The following SYT2 variants were observed in gnomAD, a reference collection of about 807,000 sequenced individuals.
The protein encoded by SYT2 is synaptotagmin-2.
In SYT2, 15 loss-of-function variants were observed where a neutral mutation model predicts 39.9. The ratio of observed to expected loss-of-function variants is 0.38; its 90% confidence interval spans 0.25 to 0.58. SYT2 has a LOEUF of 0.58. Among genes scored for constraint, SYT2 ranks in the 20% least tolerant of loss-of-function variants. The pLI, the probability that SYT2 is intolerant of heterozygous loss-of-function variation, is 0.70. For synonymous variants in SYT2, 181 were observed against 204.5 expected, an observed-to-expected ratio of 0.89 and a Z score of 0.98; for missense variants, 389 against 530.3, an observed-to-expected ratio of 0.73 and a Z score of 2.62.
At chr1:202,665,239 G>A (rs746179476) in intron 1 of SYT2, among the ~76,000 whole-genome samples, 2 of 152,224 alleles carry the variant, frequency 1.3e-5, no homozygotes, top group Admixed American at 1.3e-4. Flanking sequence ...AGTTTTTGCT[G>A]TCACCTCTTG....
chr1:202,708,645 C>A lies in SYT2; in HGVS notation c.-18+1613G>T, dbSNP rs571518078. Among the ~76,000 whole-genome samples, 251 of 152,166 alleles carry A rather than the reference C, an allele frequency of 1.6e-3. 1 individual carries two copies. Among genetic ancestry groups the A allele is most frequent in the Middle Eastern group, 3.4e-3 (1 of 294 alleles). ...AGGCTGCAGTGTGCCTGGCGTGGAC[C>A]CCTGACGCTGACTCACCCCCAGGGC... On this transcript the variant is annotated intron_variant, in intron 1 of 8. Transcript: ENST00000367268.
In SYT2 at chr1:202,644,729, T is replaced by TGG. The variant is rs369469224; in HGVS notation, c.-17-38942_-17-38941dup. ...ACAAAAATCCAGTGTGCATGTGTGT[T>TGG]GGGGGGGGCAGTCACTCAGGGCTTT... On this transcript the variant is annotated intron_variant, in intron 1 of 8. Coordinates refer to ENST00000367268, the MANE Select transcript of SYT2 (RefSeq NM_177402.5). Among the ~76,000 whole-genome samples, 268 of 150,760 alleles carry TGG rather than the reference T, an allele frequency of 1.8e-3. 3 individuals are homozygous for TGG. In the East Asian group the frequency reaches 0.035, roughly 20 times the overall value.
At chr1:202,685,839 C>T (rs990504782) in intron 1 of SYT2, among the ~76,000 whole-genome samples, 10 of 152,102 alleles carry the variant, frequency 6.6e-5, no homozygotes, top group Non-Finnish European at 1.3e-4. Context: ...GCTCACATTG[C>T]TAGAAGGCAT....
intron 1 of SYT2, among the ~76,000 whole-genome samples, chr1:202,659,826 G>A (rs564828279): frequency 1.3e-5 from 2 of 152,274 alleles, no homozygotes; most frequent in African/African-American, 4.8e-5. Flanking sequence ...CAGCCCATCT[G>A]TCGAGCAGGT....
At chr1:202,662,706 ACACAAAGCCTGGT>A (rs997508359) in intron 1 of SYT2, among the ~76,000 whole-genome samples, 1 of 152,216 alleles carries the variant, frequency 6.6e-6, no homozygotes, top group Non-Finnish European at 1.5e-5. Flanking sequence ...CTTTGGCATT[ACACAAAGCCTGGT>A]CCCATCGTTA....
At chr1:202,694,580 A>C (rs1320131526) in intron 1 of SYT2, among the ~76,000 whole-genome samples, 1 of 152,066 alleles carries the variant, frequency 6.6e-6, no homozygotes, top group Admixed American at 6.6e-5. Context: ...ACACACACAC[A>C]CAAAGCCACA....
chr1:202,643,530 C>T (rs1216135327), intron 1 of SYT2: 1 of 152,538 alleles, frequency 6.6e-6, no homozygotes, highest in Non-Finnish European at 1.5e-5. Flanking sequence ...ATGCTCCTCA[C>T]ATTCGCCTGC....
intron 1 of SYT2, among the ~76,000 whole-genome samples, chr1:202,685,030 G>A (rs61820928): frequency 0.27 from 41,755 of 152,068 alleles, 6,440 homozygotes; most frequent in South Asian, 0.41. Context: ...GTGGCATGCA[G>A]AGGAGGACAT....
At chr1:202,709,241 G>C (rs897503799) in intron 1 of SYT2, among the ~76,000 whole-genome samples, 6 of 152,178 alleles carry the variant, frequency 3.9e-5, no homozygotes, top group Non-Finnish European at 8.8e-5. Flanking sequence ...TTCTCCTGCT[G>C]CGGGGAGAGC....
In SYT2 at chr1:202,594,727, C is replaced by CACACACACACACACACACACACACACACA. The variant is rs55680589; in HGVS notation, c.*2029_*2030insTGTGTGTGTGTGTGTGTGTGTGTGTGTGT. 1 of 151,964 alleles carries CACACACACACACACACACACACACACACA rather than the reference C, an allele frequency of 6.6e-6. No homozygotes were observed. Among genetic ancestry groups the CACACACACACACACACACACACACACACA allele is most frequent in the Non-Finnish European group, 1.5e-5 (1 of 68,238 alleles). The allele number at this position is 151,964 out of a possible 1,614,324, so 9.4% of individuals were successfully genotyped here. On this transcript the variant is annotated 3_prime_UTR_variant, in exon 9 of 9. Coordinates refer to ENST00000367268, the MANE Select transcript of SYT2 (RefSeq NM_177402.5). Reference sequence around the variant, plus strand: ...ACACACACACACACACACACACACACCAGTAAAAACATAACTTCCCATGTA... The same window carrying CACACACACACACACACACACACACACACA: ...ACACACACACACACACACACACACACACACACACACACACACACACACACACACACAGTAAAAACATAACTTCCCATGTA...
rs564749665 is a variant in SYT2 at position 202,595,383 on chromosome 1, C to T, written c.*1374G>A. 5.9e-5 allele frequency: 9 copies of T among 152,328 alleles called. 1 individual carries two copies. The South Asian group carries it at 1.2e-3, about 21-fold the overall frequency. 9.4% of individuals were successfully genotyped at this position (152,328 alleles called of 1,614,324 possible). A position where few individuals can be genotyped will look rare whatever the true frequency, so the allele number is the denominator to read the frequency against. ...TTCTTAGCATTCATAGAGAGAAGCC[C>T]CCTAATGGTAGGACGGGTCCTTCCC... is the stretch of plus-strand genomic sequence containing the variant. On this transcript the variant is annotated 3_prime_UTR_variant, in exon 9 of 9. Coordinates refer to ENST00000367268, the MANE Select transcript of SYT2 (RefSeq NM_177402.5).
At chr1:202,613,150 G>A (rs1232729024) in intron 1 of SYT2, among the ~76,000 whole-genome samples, 1 of 135,264 alleles carries the variant, frequency 7.4e-6, no homozygotes, top group Non-Finnish European at 1.5e-5. Context: ...GTGCAATCTC[G>A]GCTCACTGCA....
chr1:202,654,631 T>C (rs1318812807), intron 1 of SYT2, among the ~76,000 whole-genome samples: 1 of 152,168 alleles, frequency 6.6e-6, no homozygotes, highest in African/African-American at 2.4e-5. Context: ...ACACTGATCA[T>C]TGACCCCTGC....
rs112458744 is a variant in SYT2 at position 202,613,513 on chromosome 1, G to A, written c.-17-7724C>T. ...ATTTTCTTTTTCTTCCCTAATTGCC[G>A]TGGCTAGAACTTCCAGTCCACTGTT... On this transcript the variant is annotated intron_variant, in intron 1 of 8. Coordinates refer to ENST00000367268, the MANE Select transcript of SYT2 (RefSeq NM_177402.5). 1.6e-4 allele frequency among the ~76,000 whole-genome samples: 25 copies of A among 152,290 alleles called. 2 individuals are homozygous for A. Among genetic ancestry groups the A allele is most frequent in the African/African-American group, 6.0e-4 (25 of 41,548 alleles).
At position 202,601,755 on chromosome 1, in the gene SYT2, C is replaced by G. The variant is rs1360988061; in HGVS notation, c.801+135G>C. On this transcript the variant is annotated intron_variant, in intron 6 of 8. Coordinates refer to ENST00000367268, the MANE Select transcript of SYT2 (RefSeq NM_177402.5). The surrounding 1 kb of genome is among the most constrained non-coding windows in gnomAD (Gnocchi z 4.0). ...AAGCAACTTGCCCAGGGTCACACAGCCAGGCAGTGTGGAGCTGGGATCCTA... is the reference window on the plus strand; with the variant it reads ...AAGCAACTTGCCCAGGGTCACACAGGCAGGCAGTGTGGAGCTGGGATCCTA... 6.4e-6 allele frequency: 6 copies of G among 934,314 alleles called. No individual in the cohort carries two copies. The African/African-American group carries it at 6.6e-5, about 10-fold the overall frequency. The allele number at this position is 934,314 out of a possible 1,614,324, so 57.9% of individuals were successfully genotyped here.
At chr1:202,661,213 C>A (rs950688675) in intron 1 of SYT2, among the ~76,000 whole-genome samples, 2 of 152,014 alleles carry the variant, frequency 1.3e-5, no homozygotes, top group Non-Finnish European at 2.9e-5. Flanking sequence ...CAGAAAAGGG[C>A]CGTGGAAGAG....
intron 1 of SYT2, among the ~76,000 whole-genome samples, chr1:202,678,646 A>G (rs1408191054): frequency 6.6e-6 from 1 of 151,894 alleles, no homozygotes; most frequent in Non-Finnish European, 1.5e-5. Context: ...TTAGTCCTTT[A>G]CAAGGTCAGT....
intron 3 of SYT2, 121 bp from the exon 4 acceptor site, chr1:202,603,239 G>C (rs1690580141): frequency 1.5e-5 from 21 of 1,376,550 alleles, no homozygotes; most frequent in Non-Finnish European, 2.1e-5. Flanking sequence ...GCTGTGTGTG[G>C]TGGGAACACA....
chr1:202,602,228 G>T, intron 5 of SYT2, 150 bp downstream of exon 5: 1 of 1,131,752 alleles, frequency 8.8e-7, no homozygotes, highest in Non-Finnish European at 1.3e-6. Flanking sequence ...GAGGGATCCC[G>T]ATCCTCCATA....
Sources: gnomAD v4.1 joint callset for allele counts (sites outside exome capture counted in the v4.1 genomes callset) on GRCh38, gnomAD v4.1.1 for gene constraint, Gnocchi (gnomAD v3.1) non-coding constraint, MANE v1.5 for transcripts, NCBI Gene and HGNC (gene_info 2026-07-23, HGNC 2026-07-21) for gene names.